Variants in PCBD2 observed in about 807,000 individuals in gnomAD.
PCBD2 encodes the protein pterin-4 alpha-carbinolamine dehydratase 2.
Under a neutral mutation model 16.4 loss-of-function variants are expected in PCBD2, and 12 were observed. The ratio of observed to expected loss-of-function variants is 0.73; its 90% CI spans 0.47 to 1.19. PCBD2 has a LOEUF of 1.19. Among genes scored for constraint, PCBD2 ranks in the 50% most tolerant of loss-of-function variants. The pLI is 0.00. For synonymous variants in PCBD2, 58 were observed against 61.8 expected, an observed-to-expected ratio of 0.94 and a Z score of 0.29; for missense variants, 138 against 156.8, an observed-to-expected ratio of 0.88 and a Z score of 0.64.
chr5:134,962,179 C>T lies in PCBD2; in HGVS notation c.*1498C>T, dbSNP rs1751486420. ...CGACCATGGCTCACTGTAGTCTTGA[C>T]TTCTCAGGCTCAAGTGATCCTCTCA... On this transcript the variant is annotated 3_prime_UTR_variant, in exon 4 of 4. Coordinates refer to ENST00000254908, the MANE Select transcript of PCBD2 (RefSeq NM_032151.5). 2.0e-5 allele frequency among the ~76,000 whole-genome samples: 3 copies of T among 151,864 alleles called. No individual in the cohort carries two copies. In the South Asian group the frequency reaches 6.2e-4, roughly 31 times the overall value.
intron 2 of PCBD2, among the ~76,000 whole-genome samples, chr5:134,941,394 G>A (rs1751225920): frequency 1.3e-5 from 2 of 152,092 alleles, no homozygotes; most frequent in Admixed American, 6.6e-5. Context: ...TTGAAAAAAG[G>A]GATTTTAAAA....
intron 2 of PCBD2, among the ~76,000 whole-genome samples, chr5:134,920,181 A>T (rs1750885934): frequency 6.6e-6 from 1 of 152,202 alleles, no homozygotes; most frequent in Non-Finnish European, 1.5e-5. Context: ...AATTACTATT[A>T]TGTTGCGCTT....
chr5:134,917,572 C>T (rs968852580), intron 2 of PCBD2, among the ~76,000 whole-genome samples: 9 of 152,186 alleles, frequency 5.9e-5, no homozygotes, highest in African/African-American at 2.2e-4. Flanking sequence ...GCCTGCCCAG[C>T]AGGGCATTCA....
At position 134,962,223 on chromosome 5, in the gene PCBD2, C is replaced by CA. The variant is rs1751486781; in HGVS notation, c.*1543dup. Among the ~76,000 whole-genome samples the CA allele has an allele frequency of 1.3e-5, 2 of 152,014 alleles. No individual in the cohort carries two copies. The highest frequency in any genetic ancestry group is 4.8e-5 in the African/African-American group (2 of 41,380). ...CCTCTCACCTCAGCCTCCTGAGTAG[C>CA]AGCGGTTACAGGCATGCATCACCAC... On this transcript the variant is annotated 3_prime_UTR_variant, in exon 4 of 4. Coordinates refer to ENST00000254908, the MANE Select transcript of PCBD2 (RefSeq NM_032151.5).
chr5:134,944,446 A>G (rs1459742812), intron 2 of PCBD2, among the ~76,000 whole-genome samples: 1 of 152,124 alleles, frequency 6.6e-6, no homozygotes, highest in Non-Finnish European at 1.5e-5. Context: ...TGAGCATGGC[A>G]TGAGGCATGA....
At chr5:134,927,313 C>G (rs562450203) in intron 2 of PCBD2, 1 of 398,378 alleles carries the variant, frequency 2.5e-6, no homozygotes, top group African/African-American at 2.1e-5. Flanking sequence ...CGTATTATAC[C>G]ATAGCCGCCT....
chr5:134,921,851 T>C (rs2149532162), intron 2 of PCBD2, among the ~76,000 whole-genome samples: 1 of 152,352 alleles, frequency 6.6e-6, no homozygotes, highest in South Asian at 2.1e-4. Context: ...CTTTAGGCTC[T>C]TCCTGCTTCC....
chr5:134,953,705 G>C (rs530244356), intron 2 of PCBD2, among the ~76,000 whole-genome samples: 1 of 152,222 alleles, frequency 6.6e-6, no homozygotes, highest in East Asian at 1.9e-4. Flanking sequence ...GGAGGCTGAG[G>C]CAGGAGAATT....
chr5:134,905,143 G>T lies in PCBD2; in HGVS notation c.4G>T (p.Ala2Ser). 1 of 1,219,612 alleles carries T rather than the reference G, an allele frequency of 8.2e-7. No individual in the cohort carries two copies. Among genetic ancestry groups the T allele is most frequent in the Non-Finnish European group, 1.0e-6 (1 of 980,512 alleles). 75.5% of individuals were successfully genotyped at this position (1,219,612 alleles called of 1,614,324 possible). The change falls in exon 1 of 4, where the codon GCG becomes TCG. Residue 2 changes from alanine to serine, a missense_variant. By Grantham distance (99) the Ala-to-Ser change is moderately conservative. Transcript: ENST00000254908. M[A>S]AVLGALGATR... is the part of the protein sequence containing the mutation. ...GGCAGCCCTCGGCAGACGGCCAATG[G>T]CGGCGGTGCTCGGGGCGCTCGGGGC...
chr5:134,946,176 A>G (rs1002283251), intron 2 of PCBD2, among the ~76,000 whole-genome samples: 8 of 151,786 alleles, frequency 5.3e-5, no homozygotes, highest in Non-Finnish European at 7.4e-5. Context: ...CTACCCTTAT[A>G]GGTTGGGTAG....
intron 2 of PCBD2, chr5:134,925,101 G>A (rs1750968993): frequency 5.0e-6 from 2 of 397,074 alleles, no homozygotes; most frequent in Admixed American, 4.4e-5. Flanking sequence ...GGCGTTTAAT[G>A]GGGTTTAGTA....
At position 134,961,147 on chromosome 5, in the gene PCBD2, T is replaced by A. The variant is rs1244885450; in HGVS notation, c.*466T>A. 6.5e-6 allele frequency: 1 copy of A among 153,120 alleles called. No homozygotes were observed. Among genetic ancestry groups the A allele is most frequent in the East Asian group, 1.9e-4 (1 of 5,212 alleles). The allele number at this position is 153,120 out of a possible 1,614,324, so 9.5% of individuals were successfully genotyped here. On this transcript the variant is annotated 3_prime_UTR_variant, in exon 4 of 4. Coordinates refer to ENST00000254908, the MANE Select transcript of PCBD2 (RefSeq NM_032151.5). Reference sequence around the variant, plus strand: ...TTAAGTTGTGTAAATTGTTTGCCTTTATATATTACATTTGGTAAAATCAGT... The same window carrying A: ...TTAAGTTGTGTAAATTGTTTGCCTTAATATATTACATTTGGTAAAATCAGT...
intron 1 of PCBD2, chr5:134,909,128 T>C (rs1179279227): frequency 6.6e-6 from 1 of 152,276 alleles, no homozygotes; most frequent in Non-Finnish European, 1.5e-5. Context: ...GCATGGGAAG[T>C]GTGGGCCTGT....
chr5:134,941,054 G>T (rs1294130047), intron 2 of PCBD2, among the ~76,000 whole-genome samples: 2 of 149,726 alleles, frequency 1.3e-5, no homozygotes, highest in African/African-American at 4.9e-5. Context: ...GTTGGAGGTT[G>T]CAGTGAGCCA....
At chr5:134,925,235 G>A in intron 2 of PCBD2, 2 of 398,518 alleles carry the variant, frequency 5.0e-6, no homozygotes, top group Non-Finnish European at 8.8e-6. Context: ...GTAATAGACA[G>A]GGCTCAGGCG....
chr5:134,914,133 G>T (rs1440383433), intron 2 of PCBD2, among the ~76,000 whole-genome samples: 1 of 152,140 alleles, frequency 6.6e-6, no homozygotes, highest in South Asian at 2.1e-4. Context: ...GAGAGGACAG[G>T]ATCAGATGGG....
intron 2 of PCBD2, chr5:134,927,919 G>A (rs1433888603): frequency 1.5e-5 from 6 of 397,098 alleles, no homozygotes; most frequent in Non-Finnish European, 2.2e-5. Context: ...TTGAAAAATA[G>A]TAGGGGGATG....
At chr5:134,928,454 A>AC (rs1302578527) in intron 2 of PCBD2, 10 of 337,014 alleles carry the variant, frequency 3.0e-5, no homozygotes, top group Non-Finnish European at 5.4e-5. Context: ...TAGGATGATG[A>AC]TTAATAAGAG....
chr5:134,958,718 G>T (rs1439751400), intron 2 of PCBD2, among the ~76,000 whole-genome samples: 1 of 152,196 alleles, frequency 6.6e-6, no homozygotes, highest in East Asian at 1.9e-4. Flanking sequence ...CAGAGCACTG[G>T]GTTGAAGGGA....
Sources: gnomAD v4.1 joint callset for allele counts (sites outside exome capture counted in the v4.1 genomes callset) on GRCh38, gnomAD v4.1.1 for gene constraint, MANE v1.5 for transcripts, NCBI Gene and HGNC (gene_info 2026-07-23, HGNC 2026-07-21) for gene names.